The following HERC6 variants were observed in gnomAD, a reference collection of about 807,000 sequenced individuals.
The protein encoded by HERC6 is probable E3 ubiquitin-protein ligase HERC6.
In HERC6, 101 loss-of-function variants were observed where a neutral mutation model predicts 114.5. The ratio of observed to expected loss-of-function variants is 0.88; its 90% CI spans 0.75 to 1.04. HERC6 has a LOEUF of 1.04. Ranked by LOEUF, HERC6 falls within the 50% of genes least tolerant of loss-of-function variation. HERC6 has a pLI of 0.00. For synonymous variants in HERC6, 408 were observed against 436.2 expected (o/e 0.94, Z 0.81); for missense variants, 1,133 against 1,230.9 (o/e 0.92, Z 1.19).
In HERC6 at chr4:88,402,511, G is replaced by A. The variant is rs75322274; in HGVS notation, c.1093-2365G>A. Among the ~76,000 whole-genome samples, 312 of 152,238 alleles carry A rather than the reference G, an allele frequency of 2.0e-3. 1 individual carries two copies. The highest frequency in any genetic ancestry group is 7.1e-3 in the African/African-American group (293 of 41,550). The stretch of plus-strand genomic sequence containing the variant: ...TGTCAGTTTAAAAACCCTGATCCAG[G>A]GCATGTGTGGCTGGGGTGGAGCAGA... On this transcript the variant is annotated intron_variant, in intron 8 of 22. Coordinates refer to ENST00000264346, the MANE Select transcript of HERC6 (RefSeq NM_017912.4).
intron 15 of HERC6, among the ~76,000 whole-genome samples, chr4:88,426,630 C>A (rs1465810269): frequency 6.6e-6 from 1 of 151,842 alleles, no homozygotes; most frequent in African/African-American, 2.4e-5. Flanking sequence ...CAGGCACCCA[C>A]CACACCCAGC....
At chr4:88,427,853 G>T (rs189543862) in intron 15 of HERC6, among the ~76,000 whole-genome samples, 13 of 152,268 alleles carry the variant, frequency 8.5e-5, no homozygotes, top group African/African-American at 1.2e-4. Context: ...AGTGCTGAAG[G>T]TCAAAGCAAG....
chr4:88,414,241 T>C (rs1224918971), intron 12 of HERC6, among the ~76,000 whole-genome samples: 1 of 151,916 alleles, frequency 6.6e-6, no homozygotes, highest in Non-Finnish European at 1.5e-5. Context: ...GAGACTAAGG[T>C]GAGAGAATCT....
chr4:88,426,920 C>T (rs1737700592), intron 15 of HERC6, among the ~76,000 whole-genome samples: 1 of 152,226 alleles, frequency 6.6e-6, no homozygotes, highest in African/African-American at 2.4e-5. Context: ...CCTTTCCAAA[C>T]CTAACTTTCC....
chr4:88,379,709 AAT>A (rs1473469412), intron 1 of HERC6, among the ~76,000 whole-genome samples: 2 of 109,240 alleles, frequency 1.8e-5, no homozygotes, highest in Non-Finnish European at 3.4e-5. Context: ...ATAAATATAT[AAT>A]ATATAAATAT....
chr4:88,434,795 C>A (rs1356650256), intron 17 of HERC6, among the ~76,000 whole-genome samples: 6 of 150,578 alleles, frequency 4.0e-5, no homozygotes, highest in Non-Finnish European at 8.9e-5. Context: ...AACAAAACAC[C>A]CTGATTTGTG....
chr4:88,406,327 A>C (rs558043876), intron 10 of HERC6, among the ~76,000 whole-genome samples: 1 of 152,188 alleles, frequency 6.6e-6, no homozygotes, highest in Non-Finnish European at 1.5e-5. Context: ...CTGGTTCAAA[A>C]TATGGTGATA....
chr4:88,440,453 G>T (rs2149041622), intron 22 of HERC6: 1 of 515,194 alleles, frequency 1.9e-6, no homozygotes, highest in Non-Finnish European at 3.4e-6. Context: ...AAAGAGAATA[G>T]CTCTCTGCTA....
intron 16 of HERC6, among the ~76,000 whole-genome samples, chr4:88,430,720 A>G (rs1416562206): frequency 6.6e-6 from 1 of 152,210 alleles, no homozygotes; most frequent in Non-Finnish European, 1.5e-5. Flanking sequence ...GCTGTTTTGC[A>G]GAAGCCCAAA....
chr4:88,400,376 T>G (rs1020132844), intron 8 of HERC6, among the ~76,000 whole-genome samples: 2 of 152,160 alleles, frequency 1.3e-5, no homozygotes, highest in Admixed American at 1.3e-4. Context: ...TGGTTTTTTT[T>G]TGTAGAGACG....
intron 19 of HERC6, 57 bp from the exon 20 acceptor site, chr4:88,437,654 T>C: frequency 2.9e-6 from 3 of 1,017,560 alleles, no homozygotes; most frequent in Non-Finnish European, 4.5e-6. Context: ...ATATTATGGG[T>C]GGTTGATTAT....
chr4:88,413,054 C>T (rs1736213301), intron 11 of HERC6, 23 bp from the exon 12 acceptor site: 2 of 1,573,708 alleles, frequency 1.3e-6, no homozygotes, highest in Admixed American at 1.9e-5. Flanking sequence ...TGGGTCTGTT[C>T]CCTGATCCTA....
chr4:88,402,980 G>A (rs1190748294), intron 8 of HERC6, among the ~76,000 whole-genome samples: 1 of 152,186 alleles, frequency 6.6e-6, no homozygotes, highest in Non-Finnish European at 1.5e-5. Flanking sequence ...TTTTATTTCA[G>A]CATTAAACCA....
At position 88,417,532 on chromosome 4, in the gene HERC6, C is replaced by T; in HGVS notation, c.1666C>T (p.His556Tyr). ...TCATCAGACTAAAACCGAACAGGAT[C>T]ACTGTAATGTTAAAGCTCTTTTAGG... ...LLHQTKTEQD[H>Y]CNVKALLGMM... The change falls in exon 13 of 23, where the codon CAC (histidine) becomes TAC (tyrosine). Residue 556 changes from histidine to tyrosine, a missense_variant. Around this residue, in one of 3 missense-constraint regions of HERC6, gnomAD observed 735 missense variants for 754.0 expected, o/e 0.97. Transcript: ENST00000264346. 1 of 1,613,000 alleles carries T rather than the reference C, an allele frequency of 6.2e-7. No homozygotes were observed. Among genetic ancestry groups the T allele is most frequent in the Non-Finnish European group, 8.5e-7 (1 of 1,179,472 alleles).
intron 3 of HERC6, among the ~76,000 whole-genome samples, chr4:88,389,120 C>T (rs1193151295): frequency 6.6e-6 from 1 of 152,052 alleles, no homozygotes; most frequent in African/African-American, 2.4e-5. Context: ...AGATAGGATG[C>T]TAACCATGAA....
rs760024938 is a variant in HERC6, at chr4:88,405,001, G to T, written c.1214+4G>T. ...CTGAACATGAAATGGCTAAAAGGTG[G>T]CTCTGTCTGATAAATTATAAGCCAC... On this transcript the variant is annotated splice_donor_region_variant and intron_variant, in intron 9 of 22. Transcript: ENST00000264346. 29 of 1,611,984 alleles carry T rather than the reference G, an allele frequency of 1.8e-5. No homozygotes were observed. Among genetic ancestry groups the T allele is most frequent in the Non-Finnish European group, 2.5e-5 (29 of 1,178,986 alleles).
In HERC6 at chr4:88,417,418, C is replaced by T; in HGVS notation, c.1559-7C>T. The T allele has an allele frequency of 6.2e-7, 1 of 1,605,786 alleles. No individual in the cohort carries two copies. Among genetic ancestry groups the T allele is most frequent in the Middle Eastern group, 1.7e-4 (1 of 6,052 alleles). On this transcript the variant is annotated splice_polypyrimidine_tract_variant and splice_region_variant and intron_variant, in intron 12 of 22. Transcript: ENST00000264346. ...CATATTTATCATGGCTAATTTTACA[C>T]CCCCAGAGAAGTGTTGGGCATTTTT...
Position 88,439,895 on chromosome 4 carries a change from T to C in HERC6, c.2577T>C (p.Tyr859=), listed in dbSNP as rs775980492. ...CAAGGAGAGACTATGTTTCTAAGTA[T>C]ATTGATTACATTTTCAACGTCTCTG... The part of the protein sequence containing the change: ...QTNKRDYVSK[Y]IDYIFNVSVK... Residue 859 remains tyrosine, a synonymous_variant, in exon 21 of 23, where the codon TAT becomes TAC. Coordinates refer to ENST00000264346, the MANE Select transcript of HERC6 (RefSeq NM_017912.4). 1.3e-6 allele frequency: 2 copies of C among 1,535,358 alleles called. No homozygotes were observed. The highest frequency in any genetic ancestry group is 1.8e-6 in the Non-Finnish European group (2 of 1,134,942).
At chr4:88,417,247 T>C (rs970919981) in intron 12 of HERC6, among the ~76,000 whole-genome samples, 178 bp from the exon 13 acceptor site, 1 of 152,160 alleles carries the variant, frequency 6.6e-6, no homozygotes, top group African/African-American at 2.4e-5. Flanking sequence ...GGGAAAAAAA[T>C]TTCCACATCT....
Sources: allele counts gnomAD v4.1 joint callset (sites outside exome capture counted in the v4.1 genomes callset), GRCh38; gene constraint gnomAD v4.1.1; regional missense constraint gnomAD v4.1.1; transcripts MANE v1.5; gene names NCBI Gene and HGNC (gene_info 2026-07-23, HGNC 2026-07-21).